XPO1: variants seen among roughly 807,000 people sequenced by gnomAD.
XPO1 encodes exportin 1.
XPO1 carries 5 observed loss-of-function variants against 133.3 expected under a neutral mutation model. The observed-to-expected ratio is 0.04, with a 90% CI of 0.02 to 0.08. The LOEUF is 0.08. XPO1 is among the 10% of genes least tolerant of loss of function. The probability of loss-of-function intolerance (pLI) is 1.00; values close to 1 mark genes in which losing one functional copy is unlikely to be tolerated. For missense variants in XPO1, 506 were observed against 1,267.5 expected, an observed-to-expected ratio of 0.40 and a Z score of 9.12; for synonymous variants, 419 against 408.2, an observed-to-expected ratio of 1.03 and a Z score of -0.32.
At chr2:61,514,447 G>T (rs1242375145) in intron 4 of XPO1, among the ~76,000 whole-genome samples, 2 of 151,858 alleles carry the variant, frequency 1.3e-5, no homozygotes, top group African/African-American at 2.4e-5. Context: ...AAAATAATTA[G>T]CTGGGTGTGG....
chr2:61,501,957 C>T, intron 6 of XPO1, 39 bp downstream of exon 6: 2 of 1,516,846 alleles, frequency 1.3e-6, no homozygotes, highest in East Asian at 2.3e-5. Flanking sequence ...AAATAATAAG[C>T]ATAATTCTTC....
At chr2:61,481,781 C>T (rs192806708) in intron 23 of XPO1, among the ~76,000 whole-genome samples, 1 of 151,596 alleles carries the variant, frequency 6.6e-6, no homozygotes, top group Non-Finnish European at 1.5e-5. Context: ...CTGTCACCCA[C>T]ACTGGAGTGC....
intron 7 of XPO1, 28 bp downstream of exon 7, chr2:61,499,685 A>C (rs199630145): frequency 7.9e-5 from 122 of 1,542,736 alleles, no homozygotes; most frequent in Non-Finnish European, 1.0e-4. Flanking sequence ...AAATCACTTT[A>C]AAATTCTAAA....
intron 4 of XPO1, among the ~76,000 whole-genome samples, chr2:61,503,526 G>A (rs369292169): frequency 1.3e-5 from 2 of 151,988 alleles, no homozygotes; most frequent in East Asian, 1.9e-4. Flanking sequence ...CTGGGTTCAC[G>A]CCATTCTCAT....
rs1348727609 is a variant in XPO1, at chr2:61,495,542, T to C, written c.960A>G (p.Gln320=). Residue 320 remains glutamine (Q), a synonymous_variant, in exon 11 of 25, where the codon CAA becomes CAG. Transcript: ENST00000401558. ...NGKDDEQNFI[Q]NLSLFLCTFL... Reference sequence around the variant, plus strand: ...AGGTGCAGAGAAACAAACTGAGATTTTGAATGAAGTTCTGTTCATCATCTT... The same window carrying C: ...AGGTGCAGAGAAACAAACTGAGATTCTGAATGAAGTTCTGTTCATCATCTT... 3 of 1,594,568 alleles carry C rather than the reference T, an allele frequency of 1.9e-6. No individual in the cohort carries two copies. Among genetic ancestry groups the C allele is most frequent in the South Asian group, 1.1e-5 (1 of 88,284 alleles).
chr2:61,493,701 G>A, intron 12 of XPO1, 193 bp downstream of exon 12: 1 of 598,852 alleles, frequency 1.7e-6, no homozygotes, highest in Non-Finnish European at 2.9e-6. Flanking sequence ...TTGATACTGA[G>A]AGAAGGACCA....
In XPO1 at chr2:61,499,904, G is replaced by A. The variant is rs1697418044; in HGVS notation, c.409-10C>T. 1 of 1,595,898 alleles carries A rather than the reference G, an allele frequency of 6.3e-7. No homozygotes were observed. Among genetic ancestry groups the A allele is most frequent in the Non-Finnish European group, 8.5e-7 (1 of 1,175,800 alleles). On this transcript the variant is annotated splice_polypyrimidine_tract_variant and intron_variant, in intron 6 of 24. Transcript: ENST00000401558. ...ATTCTTGTTTCAGTATCTAAAACAAGACATGAAATGTTAATCGCACTTCAT... is the reference window on the plus strand; with the variant it reads ...ATTCTTGTTTCAGTATCTAAAACAAAACATGAAATGTTAATCGCACTTCAT...
At chr2:61,525,781 G>C in intron 3 of XPO1, 1 of 1,032,738 alleles carries the variant, frequency 9.7e-7, no homozygotes, top group African/African-American at 1.7e-5. Flanking sequence ...TGTGAATATG[G>C]CTATCTTCTG....
intron 16 of XPO1, among the ~76,000 whole-genome samples, chr2:61,491,492 A>C (rs927323352): frequency 6.5e-4 from 84 of 128,324 alleles, no homozygotes; most frequent in Middle Eastern, 4.1e-3. Flanking sequence ...ACACACACAC[A>C]CACACCCCAA....
At chr2:61,486,609 C>T (rs1007478545) in intron 19 of XPO1, among the ~76,000 whole-genome samples, 1 of 152,100 alleles carries the variant, frequency 6.6e-6, no homozygotes, top group African/African-American at 2.4e-5. Flanking sequence ...GCACCTGCCA[C>T]CACGCCCAGC....
At chr2:61,482,037 T>TTTTTTTTTTTTTTTTTTTTTG (rs1696394669) in intron 23 of XPO1, among the ~76,000 whole-genome samples, 1 of 24,110 alleles carries the variant, frequency 4.1e-5, no homozygotes, top group Non-Finnish European at 7.7e-5. Flanking sequence ...GCGTGGCCTT[T>TTTTTTTTTTTTTTTTTTTTTG]TTTTTTTTTT....
chr2:61,526,043 C>A, intron 3 of XPO1: 1 of 1,076,654 alleles, frequency 9.3e-7, no homozygotes, highest in Non-Finnish European at 1.1e-6. Flanking sequence ...GCTGTCCACA[C>A]AACTTGGTGT....
intron 18 of XPO1, 56 bp downstream of exon 18, chr2:61,488,532 G>A: frequency 6.6e-7 from 1 of 1,520,968 alleles, no homozygotes; most frequent in Non-Finnish European, 8.9e-7. Context: ...ACTTAAGGCA[G>A]TAGAAGAGAA....
intron 4 of XPO1, among the ~76,000 whole-genome samples, chr2:61,517,436 T>G (rs1471125131): frequency 6.6e-6 from 1 of 152,082 alleles, no homozygotes; most frequent in Non-Finnish European, 1.5e-5. Context: ...TTAGAAAAAC[T>G]TAGCTGGGTG....
intron 3 of XPO1, chr2:61,526,059 G>A (rs1698894633): frequency 1.8e-6 from 2 of 1,082,088 alleles, no homozygotes; most frequent in East Asian, 5.0e-5. Context: ...GGTGTCAGAG[G>A]TGCCTGGCCT....
chr2:61,493,125 TAAAAAC>T, intron 12 of XPO1, 72 bp from the exon 13 acceptor site: 1 of 1,443,720 alleles, frequency 6.9e-7, no homozygotes, highest in Non-Finnish European at 9.1e-7. Flanking sequence ...GAAGCTTAGT[TAAAAAC>T]AAACAAAACC....
intron 24 of XPO1, 150 bp from the exon 25 acceptor site, chr2:61,479,116 T>G: frequency 1.2e-6 from 1 of 844,292 alleles, no homozygotes; most frequent in East Asian, 2.7e-5. Flanking sequence ...AGTGACACAG[T>G]ATACTACATA....
chr2:61,507,015 A>C (rs1339365043), intron 4 of XPO1, among the ~76,000 whole-genome samples: 1 of 152,030 alleles, frequency 6.6e-6, no homozygotes, highest in Non-Finnish European at 1.5e-5. Flanking sequence ...AGATCATCTG[A>C]GGTCAAGAGT....
rs1443181905 is a variant in XPO1 at position 61,517,159 on chromosome 2, C to T, written c.301+5452G>A. ...CAGGTGATCTGCCCACCTCAGCCTC[C>T]CAAAGTGCTGGGATTACAGGTGTAA... On this transcript the variant is annotated intron_variant, in intron 4 of 24. Coordinates refer to ENST00000401558, the MANE Select transcript of XPO1 (RefSeq NM_003400.4). Among the ~76,000 whole-genome samples, 4 of 152,270 alleles carry T rather than the reference C, an allele frequency of 2.6e-5. No individual in the cohort carries two copies. In the South Asian group the frequency reaches 8.3e-4, roughly 32 times the overall value.
Sources: allele counts gnomAD v4.1 joint callset (sites outside exome capture counted in the v4.1 genomes callset), GRCh38; gene constraint gnomAD v4.1.1; transcripts MANE v1.5; gene names NCBI Gene and HGNC (gene_info 2026-07-23, HGNC 2026-07-21).